Variants in RHBDD1 observed in about 807,000 individuals in gnomAD.
RHBDD1 encodes the protein rhomboid domain containing 1, also known as rhomboid-related protein 4.
Under a neutral mutation model 36.3 loss-of-function variants are expected in RHBDD1, and 38 were observed. The observed-to-expected ratio is 1.05, with a 90% CI of 0.81 to 1.37. The LOEUF is 1.37. Among genes scored for constraint, RHBDD1 ranks in the 40% most tolerant of loss-of-function variants. RHBDD1 has a pLI of 0.00. For missense variants in RHBDD1, 393 were observed against 377.6 expected, an observed-to-expected ratio of 1.04 and a Z score of -0.34; for synonymous variants, 151 against 136.5, an observed-to-expected ratio of 1.11 and a Z score of -0.74.
At chr2:226,965,887 C>T (rs748004417) in intron 8 of RHBDD1, among the ~76,000 whole-genome samples, 7 of 151,382 alleles carry the variant, frequency 4.6e-5, no homozygotes, top group Non-Finnish European at 7.4e-5. Flanking sequence ...ACCGCAATTG[C>T]TTGAAAAAGC....
intron 8 of RHBDD1, among the ~76,000 whole-genome samples, chr2:226,932,533 CA>C (rs1395127854): frequency 6.6e-6 from 1 of 151,888 alleles, no homozygotes; most frequent in Non-Finnish European, 1.5e-5. Context: ...CATGATTTAC[CA>C]GAGGGTTTTT....
chr2:226,879,136 T>C (rs1252182309), intron 5 of RHBDD1, among the ~76,000 whole-genome samples: 1 of 151,978 alleles, frequency 6.6e-6, no homozygotes, highest in Non-Finnish European at 1.5e-5. Flanking sequence ...GTAAGTATTA[T>C]TTCAAGGACC....
the RHBDD1 span, among the ~76,000 whole-genome samples, chr2:226,825,305 TA>T: frequency 8.0e-3 from 1,207 of 151,458 alleles, 8 homozygotes; most frequent in African/African-American, 0.024. Flanking sequence ...GTTGCAGATG[TA>T]AAAAAAAATT....
intron 5 of RHBDD1, 28 bp from the exon 6 acceptor site, chr2:226,906,765 A>C: frequency 1.2e-6 from 2 of 1,613,878 alleles, no homozygotes; most frequent in Non-Finnish European, 1.7e-6. Flanking sequence ...CAGAACAAAC[A>C]CTCACAAAGG....
At chr2:226,817,501 C>T in the RHBDD1 span, among the ~76,000 whole-genome samples, 1 of 152,252 alleles carries the variant, frequency 6.6e-6, no homozygotes, top group Admixed American at 6.5e-5. Flanking sequence ...TGAAAAGCAA[C>T]CATAAACTGG....
intron 7 of RHBDD1, among the ~76,000 whole-genome samples, chr2:226,909,199 A>G (rs1948326228): frequency 6.6e-6 from 1 of 152,098 alleles, no homozygotes; most frequent in Non-Finnish European, 1.5e-5. Flanking sequence ...TACTGCTGGG[A>G]AAGTGTTAAA....
At chr2:226,871,410 A>G (rs57783977) in intron 5 of RHBDD1, among the ~76,000 whole-genome samples, 5,447 of 152,322 alleles carry the variant, frequency 0.036, 333 homozygotes, top group African/African-American at 0.12. Context: ...GAAAATTAAC[A>G]GTAATTCCTT....
chr2:226,966,108 A>T (rs895978174), intron 8 of RHBDD1, among the ~76,000 whole-genome samples: 1 of 152,142 alleles, frequency 6.6e-6, no homozygotes, highest in Non-Finnish European at 1.5e-5. Flanking sequence ...CCACATAAAA[A>T]CCATATGATT....
chr2:226,866,459 G>T (rs1056444754), intron 4 of RHBDD1, among the ~76,000 whole-genome samples: 1 of 152,122 alleles, frequency 6.6e-6, no homozygotes, highest in Non-Finnish European at 1.5e-5. Flanking sequence ...AGATGAGGAA[G>T]CCAAGACCCA....
intron 5 of RHBDD1, among the ~76,000 whole-genome samples, chr2:226,890,807 AT>A (rs1946616589): frequency 6.6e-6 from 1 of 152,210 alleles, no homozygotes; most frequent in Non-Finnish European, 1.5e-5. Context: ...TTATGTACCC[AT>A]AAAAATTTAA....
intron 5 of RHBDD1, among the ~76,000 whole-genome samples, chr2:226,879,721 G>A (rs567927022): frequency 6.6e-6 from 1 of 152,068 alleles, no homozygotes; most frequent in Non-Finnish European, 1.5e-5. Flanking sequence ...ATGGATATAG[G>A]GTCAAAAGAT....
At chr2:226,829,146 T>TC in the RHBDD1 span, among the ~76,000 whole-genome samples, 1 of 152,174 alleles carries the variant, frequency 6.6e-6, no homozygotes, top group Admixed American at 6.5e-5. Flanking sequence ...GACTATCCTT[T>TC]CCCCATTAAA....
intron 5 of RHBDD1, among the ~76,000 whole-genome samples, chr2:226,874,883 C>T (rs922602032): frequency 3.3e-5 from 5 of 152,128 alleles, no homozygotes; most frequent in East Asian, 1.9e-4. Flanking sequence ...TGTGCGTGTG[C>T]GCCTCTCTTC....
intron 3 of RHBDD1, among the ~76,000 whole-genome samples, chr2:226,860,476 A>G (rs1416837910): frequency 6.6e-6 from 1 of 152,156 alleles, no homozygotes; most frequent in African/African-American, 2.4e-5. Context: ...AACAATATTC[A>G]TTTTATAGTC....
At chr2:226,805,536 C>A in the RHBDD1 span, among the ~76,000 whole-genome samples, 1 of 152,190 alleles carries the variant, frequency 6.6e-6, no homozygotes, top group South Asian at 2.1e-4. Context: ...TTTGAAGAGC[C>A]AAGTGTTATA....
chr2:226,854,906 G>A (rs1487185560), intron 3 of RHBDD1, among the ~76,000 whole-genome samples: 1 of 152,176 alleles, frequency 6.6e-6, no homozygotes, highest in Admixed American at 6.5e-5. Context: ...GGGGAAGAGT[G>A]TAAGGTGATA....
intron 5 of RHBDD1, among the ~76,000 whole-genome samples, chr2:226,870,698 G>T (rs938926982): frequency 1.3e-5 from 2 of 152,134 alleles, no homozygotes; most frequent in East Asian, 3.9e-4. Context: ...ACACAGTCAG[G>T]TAACACACAT....
intron 8 of RHBDD1, among the ~76,000 whole-genome samples, chr2:226,976,448 A>G (rs1028508516): frequency 1.3e-5 from 2 of 151,840 alleles, no homozygotes; most frequent in African/African-American, 4.8e-5. Flanking sequence ...AATTATCAAA[A>G]TGTGTGAGCT....
chr2:226,862,934 A>G (rs1158996195), intron 3 of RHBDD1, among the ~76,000 whole-genome samples: 2 of 152,218 alleles, frequency 1.3e-5, no homozygotes, highest in African/African-American at 4.8e-5. Context: ...GCAGGAACTA[A>G]TAAGAGTGAG....
Sources: gnomAD v4.1 joint callset for allele counts (sites outside exome capture counted in the v4.1 genomes callset) on GRCh38, gnomAD v4.1.1 for gene constraint, MANE v1.5 for transcripts, NCBI Gene and HGNC (gene_info 2026-07-23, HGNC 2026-07-21) for gene names.